NCMAP: variants seen among roughly 807,000 people sequenced by gnomAD.
NCMAP encodes the protein noncompact myelin-associated protein.
Under a neutral mutation model 7.8 loss-of-function variants are expected in NCMAP, and 8 were observed. That is an observed-to-expected ratio of 1.02 (90% CI 0.60 to 1.84). The LOEUF (loss-of-function observed/expected upper bound fraction) is 1.84. Ranked by LOEUF, NCMAP falls within the 40% of genes most tolerant of loss-of-function variation. NCMAP has a pLI of 0.00. For synonymous variants in NCMAP, 41 were observed against 52.9 expected (o/e 0.78, Z 0.98); for missense variants, 112 against 131.4 (o/e 0.85, Z 0.72).
intron 1 of NCMAP, among the ~76,000 whole-genome samples, chr1:24,565,964 G>A (rs921816371): frequency 6.6e-6 from 1 of 152,064 alleles, no homozygotes; most frequent in South Asian, 2.1e-4. Context: ...GTTCTCATGA[G>A]ATCTGATGGT....
At chr1:24,558,632 C>A (rs1256495266) in intron 1 of NCMAP, among the ~76,000 whole-genome samples, 1 of 152,098 alleles carries the variant, frequency 6.6e-6, no homozygotes, top group African/African-American at 2.4e-5. Context: ...CCAAGCTGAC[C>A]CCCCCTCATC....
intron 2 of NCMAP, among the ~76,000 whole-genome samples, chr1:24,599,179 C>T (rs1387263422): frequency 6.7e-6 from 1 of 149,662 alleles, no homozygotes; most frequent in Non-Finnish European, 1.5e-5. Context: ...ACTCTGGAGA[C>T]TGAGGCAGGA....
chr1:24,575,610 A>T (rs936226295), intron 1 of NCMAP, among the ~76,000 whole-genome samples: 2 of 152,142 alleles, frequency 1.3e-5, no homozygotes, highest in African/African-American at 4.8e-5. Flanking sequence ...CACTGTATTT[A>T]ACCCAGTCCT....
intron 3 of NCMAP, among the ~76,000 whole-genome samples, chr1:24,604,652 ATG>A (rs1652657643): frequency 1.0e-5 from 1 of 99,084 alleles, no homozygotes; most frequent in Non-Finnish European, 2.0e-5. Context: ...ATATATATAT[ATG>A]TCAGCAAGAT....
rs1376599984 is a variant in NCMAP, at chr1:24,606,726, C to A, written c.*979C>A. 1 of 152,192 alleles carries A rather than the reference C, an allele frequency of 6.6e-6. No individual in the cohort carries two copies. Among genetic ancestry groups the A allele is most frequent in the African/African-American group, 2.4e-5 (1 of 41,430 alleles). The allele number at this position is 152,192 out of a possible 1,614,324, so 9.4% of individuals were successfully genotyped here. A position where few individuals can be genotyped will look rare whatever the true frequency, so the allele number is the denominator to read the frequency against. On this transcript the variant is annotated 3_prime_UTR_variant, in exon 4 of 4. Transcript: ENST00000374392. ...AGCAACCTCGTCTGTGACTCCTTAG[C>A]CTGGAGAACAATCTACCAAGAAGAG...
rs1652825575 is a variant in NCMAP at position 24,608,245 on chromosome 1, A to C, written c.*2498A>C. The C allele has an allele frequency of 6.6e-6, 1 of 152,214 alleles. No individual in the cohort carries two copies. Among genetic ancestry groups the C allele is most frequent in the African/African-American group, 2.4e-5 (1 of 41,460 alleles). 9.4% of individuals were successfully genotyped at this position (152,214 alleles called of 1,614,324 possible). ...CTCAAAACCAGGTCTCTTGACTCCAAAGTCTGTCTTTTTTGTGAAGTCACA... is the reference window on the plus strand; with the variant it reads ...CTCAAAACCAGGTCTCTTGACTCCACAGTCTGTCTTTTTTGTGAAGTCACA... On this transcript the variant is annotated 3_prime_UTR_variant, in exon 4 of 4. Coordinates refer to ENST00000374392, the MANE Select transcript of NCMAP (RefSeq NM_001010980.5).
chr1:24,593,854 G>A (rs1162568505), intron 1 of NCMAP, among the ~76,000 whole-genome samples: 2 of 145,262 alleles, frequency 1.4e-5, no homozygotes, highest in South Asian at 2.3e-4. Context: ...ATAGTTCAGA[G>A]CGATTATTTA....
At chr1:24,565,329 G>A (rs942568469) in intron 1 of NCMAP, among the ~76,000 whole-genome samples, 1 of 151,900 alleles carries the variant, frequency 6.6e-6, no homozygotes, top group African/African-American at 2.4e-5. Flanking sequence ...CCTGGATCCA[G>A]GGACCTGGAA....
chr1:24,590,161 C>G (rs532975677), intron 1 of NCMAP, among the ~76,000 whole-genome samples: 163 of 152,320 alleles, frequency 1.1e-3, no homozygotes, highest in African/African-American at 3.2e-3. Context: ...GAAAGGAAAA[C>G]TTATCTTACA....
chr1:24,586,568 C>T (rs931401611), intron 1 of NCMAP, among the ~76,000 whole-genome samples: 3 of 152,178 alleles, frequency 2.0e-5, no homozygotes, highest in African/African-American at 7.2e-5. Flanking sequence ...CAAGACCAGT[C>T]TGGCCAAGAT....
rs1184189345 is a variant in NCMAP at position 24,564,513 on chromosome 1, C to CAAAAAA, written c.-8+8358_-8+8363dup. Among the ~76,000 whole-genome samples, 145 of 50,012 alleles carry CAAAAAA rather than the reference C, an allele frequency of 2.9e-3. 18 individuals are homozygous for CAAAAAA. Among genetic ancestry groups the CAAAAAA allele is most frequent in the South Asian group, 7.2e-3 (8 of 1,112 alleles). The allele number at this position is 50,012 out of a possible 152,430, so 32.8% of individuals were successfully genotyped here. A position where few individuals can be genotyped will look rare whatever the true frequency, so the allele number is the denominator to read the frequency against. On this transcript the variant is annotated intron_variant, in intron 1 of 3. Transcript: ENST00000374392. ...TGGGCAACAGAGTGAGATTCTGTCTCAAAAAAAAAAAAAAAAAAACAAAAA... is the reference window on the plus strand; with the variant it reads ...TGGGCAACAGAGTGAGATTCTGTCTCAAAAAAAAAAAAAAAAAAAAAAAAACAAAAA...
At chr1:24,578,713 C>T (rs1557597101) in intron 1 of NCMAP, among the ~76,000 whole-genome samples, 1 of 151,852 alleles carries the variant, frequency 6.6e-6, no homozygotes, top group Non-Finnish European at 1.5e-5. Flanking sequence ...CAGGCACATG[C>T]TACCATGCCC....
intron 1 of NCMAP, among the ~76,000 whole-genome samples, chr1:24,572,483 T>C (rs1358696908): frequency 2.0e-5 from 3 of 150,524 alleles, no homozygotes; most frequent in Admixed American, 2.0e-4. Context: ...CAGATATGGT[T>C]CTGGGCAGCT....
chr1:24,572,112 T>C (rs567165090), intron 1 of NCMAP, among the ~76,000 whole-genome samples: 2 of 150,578 alleles, frequency 1.3e-5, no homozygotes, highest in East Asian at 3.9e-4. Flanking sequence ...CCTTAGCTGA[T>C]GAGTAGCCAT....
At chr1:24,564,109 T>C (rs1651141292) in intron 1 of NCMAP, 1 of 152,282 alleles carries the variant, frequency 6.6e-6, no homozygotes, top group Non-Finnish European at 1.5e-5. Flanking sequence ...ATGGCCTGAA[T>C]ATCAGGATGG....
In NCMAP at chr1:24,605,659, CT is replaced by C; in HGVS notation, c.223del (p.Ser75LeufsTer16). On this transcript the variant is annotated frameshift_variant, in exon 4 of 4. Coordinates refer to ENST00000374392, the MANE Select transcript of NCMAP (RefSeq NM_001010980.5). LOFTEE classifies it high-confidence loss of function. ...LEPKGPKPTA[P>X]SAVGPNSNGS... is the part of the protein sequence containing the mutation. The stretch of plus-strand genomic sequence containing the variant: ...CCCAAGGGCCCCAAGCCAACCGCCC[CT>C]TCTGCCGTGGGCCCAAACAGCAACG... 1 of 1,614,254 alleles carries C rather than the reference CT, an allele frequency of 6.2e-7. No homozygotes were observed. The highest frequency in any genetic ancestry group is 8.5e-7 in the Non-Finnish European group (1 of 1,180,048).
chr1:24,601,004 C>T lies in NCMAP; in HGVS notation c.147C>T (p.Ile49=), dbSNP rs768966470. 3.1e-6 allele frequency: 5 copies of T among 1,614,092 alleles called. No individual in the cohort carries two copies. In the South Asian group the frequency reaches 5.5e-5, roughly 18 times the overall value. The change falls in exon 3 of 4, where the codon ATC becomes ATT. Residue 49 remains isoleucine (I), a synonymous_variant. Coordinates refer to ENST00000374392, the MANE Select transcript of NCMAP (RefSeq NM_001010980.5). ...TCATCATCTTCACCGTGGTTCTGAT[C>T]CTGCTGAAGATGTACAACAGGTACG... ...VVIIIFTVVL[I]LLKMYNRKMR...
At chr1:24,583,723 A>G (rs1379376030) in intron 1 of NCMAP, among the ~76,000 whole-genome samples, 2 of 151,280 alleles carry the variant, frequency 1.3e-5, no homozygotes, top group Non-Finnish European at 3.0e-5. Flanking sequence ...CTCAGAAAAA[A>G]AAAAAAAAAA....
At chr1:24,572,739 C>T (rs1570518903) in intron 1 of NCMAP, among the ~76,000 whole-genome samples, 2 of 150,786 alleles carry the variant, frequency 1.3e-5, no homozygotes, top group Admixed American at 6.6e-5. Context: ...ATTTCCTGGA[C>T]CCCCAGCTCA....
Sources: allele counts gnomAD v4.1 joint callset (sites outside exome capture counted in the v4.1 genomes callset), GRCh38; gene constraint gnomAD v4.1.1; transcripts MANE v1.5; gene names NCBI Gene and HGNC (gene_info 2026-07-23, HGNC 2026-07-21).